The following ITGB4 variants were observed in gnomAD, a reference collection of about 807,000 sequenced individuals.
The protein encoded by ITGB4 is integrin beta-4.
Under a neutral mutation model 207.6 loss-of-function variants are expected in ITGB4, and 159 were observed. The observed-to-expected ratio is 0.77, with a 90% confidence interval of 0.67 to 0.87. The LOEUF is 0.87. ITGB4 is among the 40% of genes least tolerant of loss of function. ITGB4 has a pLI of 0.00. For synonymous variants in ITGB4, 1,020 were observed against 1,062.7 expected (o/e 0.96, Z 0.78); for missense variants, 2,278 against 2,546.8 (o/e 0.89, Z 2.27).
intron 8 of ITGB4, 96 bp downstream of exon 8, chr17:75,730,600 C>G (rs1365150767): frequency 3.2e-6 from 3 of 925,986 alleles, no homozygotes; most frequent in Non-Finnish European, 4.5e-6. Flanking sequence ...CTCCCTCCCT[C>G]CCTTCCTCCC....
rs761068425 is a variant in ITGB4 at position 75,734,182 on chromosome 17, G to T, written c.1657+490G>T. ...ACAGAGTTTCACTCTTGTCGCCCAG[G>T]CTGGAGTGCAATAGCACAATCTTGG... On this transcript the variant is annotated intron_variant, in intron 13 of 39. Coordinates refer to ENST00000200181, the MANE Select transcript of ITGB4 (RefSeq NM_000213.5). 5.1e-4 allele frequency among the ~76,000 whole-genome samples: 69 copies of T among 134,180 alleles called. 1 individual carries two copies. Among genetic ancestry groups the T allele is most frequent in the South Asian group, 1.9e-3 (8 of 4,312 alleles). 88.0% of individuals were successfully genotyped at this position (134,180 alleles called of 152,430 possible).
intron 2 of ITGB4, among the ~76,000 whole-genome samples, chr17:75,725,894 A>G (rs761745293): frequency 1.3e-5 from 2 of 152,240 alleles, no homozygotes; most frequent in Non-Finnish European, 2.9e-5. Context: ...GCCGTGAGGC[A>G]CAAGCTGTGA....
chr17:75,755,843 G>A lies in ITGB4; in HGVS notation c.4701G>A (p.Leu1567=). The change falls in exon 35 of 40, where the codon CTG becomes CTA. Residue 1567 remains leucine, a synonymous_variant. Transcript: ENST00000200181. The part of the protein sequence containing the change: ...LQGYSVEYQL[L]NGGELHRLNI... ...GCTACAGTGTGGAGTACCAGCTGCT[G>A]AACGGCGGTGAGGCATGGTGGCTGC... is the stretch of plus-strand genomic sequence containing the variant. 1 of 1,603,886 alleles carries A rather than the reference G, an allele frequency of 6.2e-7. No individual in the cohort carries two copies. Among genetic ancestry groups the A allele is most frequent in the Non-Finnish European group, 8.5e-7 (1 of 1,179,656 alleles).
chr17:75,724,788 T>C lies in ITGB4; in HGVS notation c.79+6T>C, dbSNP rs754607957. On this transcript the variant is annotated splice_donor_region_variant and intron_variant, in intron 2 of 39. Coordinates refer to ENST00000200181, the MANE Select transcript of ITGB4 (RefSeq NM_000213.5). ...CAGCCTCTCTGGGACCTTGGGTGAGTCCACGTTGCCCTGCAGCCCCCTCCT... is the reference window on the plus strand; with the variant it reads ...CAGCCTCTCTGGGACCTTGGGTGAGCCCACGTTGCCCTGCAGCCCCCTCCT... 6.2e-7 allele frequency: 1 copy of C among 1,612,448 alleles called. No homozygotes were observed. The highest frequency in any genetic ancestry group is 8.5e-7 in the Non-Finnish European group (1 of 1,179,118).
In ITGB4 at chr17:75,750,883, C is replaced by T. The variant is rs2061352689; in HGVS notation, c.3655+23C>T. On this transcript the variant is annotated intron_variant, in intron 29 of 39. Coordinates refer to ENST00000200181, the MANE Select transcript of ITGB4 (RefSeq NM_000213.5). This position sits in a 1 kb window ranked among gnomAD's most constrained non-coding sequence, Gnocchi z 5.5. ...AAGGTGAGGCCTCGCCATGTCTGTCCATTTGTCCCCTGGCTGCCCTGATGC... is the reference window on the plus strand; with the variant it reads ...AAGGTGAGGCCTCGCCATGTCTGTCTATTTGTCCCCTGGCTGCCCTGATGC... The T allele has an allele frequency of 3.1e-6, 5 of 1,613,362 alleles. No homozygotes were observed. In the East Asian group the frequency reaches 6.7e-5, roughly 22 times the overall value.
chr17:75,733,709 C>T lies in ITGB4; in HGVS notation c.1657+17C>T, dbSNP rs762780187. ...TCTGCAATGGTGAGCACAACAACTGCGGCCAATGCTGATGGCGGGGTAGGG... is the reference window on the plus strand; with the variant it reads ...TCTGCAATGGTGAGCACAACAACTGTGGCCAATGCTGATGGCGGGGTAGGG... On this transcript the variant is annotated intron_variant, in intron 13 of 39. Coordinates refer to ENST00000200181, the MANE Select transcript of ITGB4 (RefSeq NM_000213.5). 2.3e-5 allele frequency: 37 copies of T among 1,612,286 alleles called. No individual in the cohort carries two copies. Among genetic ancestry groups the T allele is most frequent in the African/African-American group, 5.3e-5 (4 of 74,920 alleles).
chr17:75,738,135 G>A (rs951896495), intron 18 of ITGB4, among the ~76,000 whole-genome samples: 3 of 152,196 alleles, frequency 2.0e-5, no homozygotes, highest in Non-Finnish European at 4.4e-5. Context: ...AGAAAGTGGA[G>A]CTGAAGCTTA....
rs1252299388 is a variant in ITGB4, at chr17:75,732,050, C to A, written c.1377+77C>A. 2.3e-5 allele frequency: 37 copies of A among 1,609,432 alleles called. No individual in the cohort carries two copies. Among genetic ancestry groups the A allele is most frequent in the Non-Finnish European group, 2.6e-5 (31 of 1,176,400 alleles). On this transcript the variant is annotated intron_variant, in intron 11 of 39. Coordinates refer to ENST00000200181, the MANE Select transcript of ITGB4 (RefSeq NM_000213.5). The surrounding 1 kb of genome is among the most constrained non-coding windows in gnomAD (Gnocchi z 5.3). ...GGACCCTGAGGAATGAAGCAGGACT[C>A]CTGTGCCCCATATCCCTTGTGGGGT... is the stretch of plus-strand genomic sequence containing the variant.
chr17:75,740,375 T>G lies in ITGB4; in HGVS notation c.2464T>G (p.Leu822Val), dbSNP rs753625237. The change falls in exon 21 of 40, where the codon TTG (leucine) becomes GTG (valine). Residue 822 changes from leucine (L) to valine (V), a missense_variant. Physicochemically the swap from Leu to Val is conservative, Grantham distance 32. Transcript: ENST00000200181. This position sits in a 1 kb window ranked among gnomAD's most constrained non-coding sequence, Gnocchi z 5.9. ...TTCCTTAGTGCCCTACGGGCTGTCC[T>G]TGCGCCTGGCCCGCCTTTGCACCGA... ...PTELVPYGLSLRLARLCTENL... is the reference protein window; with the variant it reads ...PTELVPYGLSVRLARLCTENL... The G allele has an allele frequency of 2.5e-6, 4 of 1,613,486 alleles. No homozygotes were observed. The highest frequency in any genetic ancestry group is 3.4e-6 in the Non-Finnish European group (4 of 1,180,006).
Position 75,736,151 on chromosome 17 carries a change from T to C in ITGB4, c.1758T>C (p.Asn586=), listed in dbSNP as rs748962603. 6.2e-7 allele frequency: 1 copy of C among 1,614,028 alleles called. No homozygotes were observed. Among genetic ancestry groups the C allele is most frequent in the African/African-American group, 1.3e-5 (1 of 75,012 alleles). ...GCAATGCCACCTGCATCGACAGCAA[T>C]GGGGTAGGCCTGGGCATAAGACAGA... is the stretch of plus-strand genomic sequence containing the variant. The part of the protein sequence containing the change: ...PLSNATCIDS[N]GGICNGRGHC... Residue 586 remains asparagine (N), a synonymous_variant, in exon 14 of 40, where the codon AAT becomes AAC. Coordinates refer to ENST00000200181, the MANE Select transcript of ITGB4 (RefSeq NM_000213.5).
chr17:75,727,635 C>G lies in ITGB4; in HGVS notation c.265-16C>G. 1.3e-6 allele frequency: 2 copies of G among 1,595,878 alleles called. No individual in the cohort carries two copies. Among genetic ancestry groups the G allele is most frequent in the Non-Finnish European group, 1.7e-6 (2 of 1,171,526 alleles). On this transcript the variant is annotated splice_polypyrimidine_tract_variant and intron_variant, in intron 4 of 39. Transcript: ENST00000200181. The surrounding 1 kb of genome is among the most constrained non-coding windows in gnomAD (Gnocchi z 6.0). ...GAGTGACCCTCTAGCCAGCTGTCCC[C>G]TTCCACTGGCTGCAGGAGACCCAGA...
Position 75,756,534 on chromosome 17 carries a change from A to G in ITGB4, c.4814A>G (p.Gln1605Arg). 1 of 1,613,298 alleles carries G rather than the reference A, an allele frequency of 6.2e-7. No individual in the cohort carries two copies. The highest frequency in any genetic ancestry group is 8.5e-7 in the Non-Finnish European group (1 of 1,179,994). ...GTGTTCCGCGTGCGGGCCCAGAGCC[A>G]GGAAGGCTGGGGCCGAGAGCGTGAG... ...SYVFRVRAQSQEGWGREREGV... is the reference protein window; with the variant it reads ...SYVFRVRAQSREGWGREREGV... Residue 1605 changes from glutamine (Q) to arginine (R), a missense_variant, in exon 36 of 40, where the codon CAG (glutamine) becomes CGG (arginine). By Grantham distance (43) the Gln-to-Arg change is conservative. Coordinates refer to ENST00000200181, the MANE Select transcript of ITGB4 (RefSeq NM_000213.5).
rs113185087 is a variant in ITGB4 at position 75,750,712 on chromosome 17, C to T, written c.3507C>T (p.Ser1169=). Residue 1169 remains serine, a synonymous_variant, in exon 29 of 40, where the codon TCC becomes TCT. Transcript: ENST00000200181. The surrounding 1 kb of genome is among the most constrained non-coding windows in gnomAD (Gnocchi z 5.5). ...VKYWIQGDSE[S]EAHLLDSKVP... Reference sequence around the variant, plus strand: ...ACTGGATTCAGGGTGACTCCGAATCCGAAGCCCACCTGCTCGACAGCAAGG... The same window carrying T: ...ACTGGATTCAGGGTGACTCCGAATCTGAAGCCCACCTGCTCGACAGCAAGG... 22 of 1,613,246 alleles carry T rather than the reference C, an allele frequency of 1.4e-5. No homozygotes were observed. Among genetic ancestry groups the T allele is most frequent in the South Asian group, 5.5e-5 (5 of 91,090 alleles).
Position 75,753,761 on chromosome 17 carries a change from C to G in ITGB4, c.4109-4C>G, listed in dbSNP as rs749884526. On this transcript the variant is annotated splice_region_variant and splice_polypyrimidine_tract_variant and intron_variant, in intron 32 of 39. Transcript: ENST00000200181. ...TGCCAACGCGGCCCTTCGTTGTTCC[C>G]AAGGCTGCGGCTGGAAGTTCGAGCC... is the stretch of plus-strand genomic sequence containing the variant. The G allele has an allele frequency of 2.1e-6, 3 of 1,438,120 alleles. No individual in the cohort carries two copies. Among genetic ancestry groups the G allele is most frequent in the Non-Finnish European group, 2.7e-6 (3 of 1,097,314 alleles). The allele number at this position is 1,438,120 out of a possible 1,614,324, so 89.1% of individuals were successfully genotyped here.
At chr17:75,747,785 G>C (rs558794410) in intron 26 of ITGB4, among the ~76,000 whole-genome samples, 110 of 152,288 alleles carry the variant, frequency 7.2e-4, no homozygotes, top group African/African-American at 2.3e-3. Context: ...GAGTAGCTGG[G>C]ATTACAGGCA....
intron 26 of ITGB4, chr17:75,746,479 C>G (rs1168862751): frequency 6.6e-6 from 1 of 151,748 alleles, no homozygotes; most frequent in South Asian, 2.1e-4. Flanking sequence ...GATCCGCCCA[C>G]CTCAGCCTCC....
chr17:75,753,943 G>T lies in ITGB4; in HGVS notation c.4287G>T (p.Leu1429=). 7.8e-7 allele frequency: 1 copy of T among 1,273,896 alleles called. No individual in the cohort carries two copies. The highest frequency in any genetic ancestry group is 9.8e-7 in the Non-Finnish European group (1 of 1,015,750). The allele number at this position is 1,273,896 out of a possible 1,614,324, so 78.9% of individuals were successfully genotyped here. Residue 1429 remains leucine, a synonymous_variant, in exon 33 of 40, where the codon CTG becomes CTT. Coordinates refer to ENST00000200181, the MANE Select transcript of ITGB4 (RefSeq NM_000213.5). ...DGGAGGKGGS[L]PRSATPGPPG... is the part of the protein sequence containing the mutation. The stretch of plus-strand genomic sequence containing the variant: ...GCGCGGGCGGGAAGGGCGGCAGCCT[G>T]CCCCGCAGTGCGACACCCGGGCCCC...
In ITGB4 at chr17:75,756,940, C is replaced by T; in HGVS notation, c.5054-3C>T. ...AGACGCTGAAGGCATCTTCCCTGCTCAGGGCCAGCCACCGCATTCCGGGTG... is the reference window on the plus strand; with the variant it reads ...AGACGCTGAAGGCATCTTCCCTGCTTAGGGCCAGCCACCGCATTCCGGGTG... On this transcript the variant is annotated splice_region_variant and splice_polypyrimidine_tract_variant and intron_variant, in intron 37 of 39. Coordinates refer to ENST00000200181, the MANE Select transcript of ITGB4 (RefSeq NM_000213.5). 6.2e-7 allele frequency: 1 copy of T among 1,612,518 alleles called. No individual in the cohort carries two copies. The highest frequency in any genetic ancestry group is 8.5e-7 in the Non-Finnish European group (1 of 1,179,902).
At position 75,750,790 on chromosome 17, in the gene ITGB4, G is replaced by T. The variant is rs2061350198; in HGVS notation, c.3585G>T (p.Lys1195Asn). ...ACCCGTATTGCGACTATGAGATGAA[G>T]GTGTGCGCCTACGGGGCTCAGGGCG... ...NLYPYCDYEM[K>N]VCAYGAQGEG... Residue 1195 changes from lysine (K) to asparagine (N), a missense_variant, in exon 29 of 40, where the codon AAG becomes AAT. Transcript: ENST00000200181. The surrounding 1 kb of genome is among the most constrained non-coding windows in gnomAD (Gnocchi z 5.5). 6.2e-7 allele frequency: 1 copy of T among 1,613,596 alleles called. No homozygotes were observed. Among genetic ancestry groups the T allele is most frequent in the East Asian group, 2.2e-5 (1 of 44,886 alleles).
Sources: gnomAD v4.1 joint callset for allele counts (sites outside exome capture counted in the v4.1 genomes callset) on GRCh38, gnomAD v4.1.1 for gene constraint, Gnocchi (gnomAD v3.1) non-coding constraint, MANE v1.5 for transcripts, NCBI Gene and HGNC (gene_info 2026-07-23, HGNC 2026-07-21) for gene names.